Variants in RERE observed in about 807,000 individuals in gnomAD.
RERE encodes arginine-glutamic acid dipeptide repeats.
RERE carries 40 observed loss-of-function variants against 146.1 expected under a neutral mutation model. The observed-to-expected ratio is 0.27, with a 90% CI of 0.21 to 0.36. The LOEUF (loss-of-function observed/expected upper bound fraction) is 0.36, where lower values mean the gene tolerates loss of function less well. RERE is among the 10% of genes least tolerant of loss of function. The pLI, the probability that RERE is intolerant of heterozygous loss-of-function variation, is 1.00. For synonymous variants in RERE, 1,003 were observed against 866.0 expected (o/e 1.16, Z -2.78); for missense variants, 1,933 against 2,138.7 (o/e 0.90, Z 1.90).
intron 1 of RERE, among the ~76,000 whole-genome samples, chr1:8,720,061 C>A (rs927859717): frequency 6.6e-6 from 1 of 151,424 alleles, no homozygotes; most frequent in Non-Finnish European, 1.5e-5. Flanking sequence ...TTCAAGAGAT[C>A]GAGACCATCC....
chr1:8,360,108 G>A lies in RERE; in HGVS notation c.3395+4C>T, dbSNP rs747941358. On this transcript the variant is annotated splice_donor_region_variant and intron_variant, in intron 18 of 22. Transcript: ENST00000400908. ...GACCCGTCCTGGAGCCCTAGGAAGC[G>A]TACCTAGCTGACTGGCTGGCGTGAC... is the stretch of plus-strand genomic sequence containing the variant. 1.3e-5 allele frequency: 21 copies of A among 1,576,796 alleles called. No individual in the cohort carries two copies. The highest frequency in any genetic ancestry group is 1.7e-4 in the Middle Eastern group (1 of 5,926).
chr1:8,575,566 T>A (rs1299747480), intron 4 of RERE, among the ~76,000 whole-genome samples: 16 of 141,362 alleles, frequency 1.1e-4, no homozygotes, highest in Admixed American at 5.6e-4. Context: ...TATATATTTT[T>A]TTTTTTTTTG....
chr1:8,507,798 G>A (rs541691657), intron 8 of RERE, among the ~76,000 whole-genome samples: 1 of 124,984 alleles, frequency 8.0e-6, no homozygotes, highest in East Asian at 2.4e-4. Context: ...GAGTCCAGTG[G>A]CCACAGTCTT....
At chr1:8,579,495 T>A (rs538555305) in intron 4 of RERE, among the ~76,000 whole-genome samples, 1 of 152,310 alleles carries the variant, frequency 6.6e-6, no homozygotes, top group African/African-American at 2.4e-5. Flanking sequence ...AGTAAATAAT[T>A]ATTGGAACAT....
intron 10 of RERE, among the ~76,000 whole-genome samples, chr1:8,481,484 T>G (rs374883005): frequency 2.0e-5 from 3 of 152,226 alleles, no homozygotes; most frequent in African/African-American, 4.8e-5. Flanking sequence ...TAAATAGTTA[T>G]GTATATAAAT....
intron 6 of RERE, among the ~76,000 whole-genome samples, chr1:8,552,091 A>G (rs1056525564): frequency 1.3e-5 from 2 of 152,258 alleles, no homozygotes. Flanking sequence ...TTCAACACAC[A>G]TTTCTACAAC....
rs149634880 is a variant in RERE, at chr1:8,359,794, T to G, written c.3588A>C (p.Arg1196=). The part of the protein sequence containing the change: ...KEKEKERERE[R]EREREAERAA... ...CCCGCTCTGCCTCGCGCTCCCGCTC[T>G]CGCTCCCGCTCCCGCTCCTTCTCCT... The change falls in exon 19 of 23, where the codon CGA becomes CGC. Residue 1196 remains arginine, a synonymous_variant. Transcript: ENST00000400908. The G allele has an allele frequency of 1.9e-6, 3 of 1,601,614 alleles. No individual in the cohort carries two copies. Among genetic ancestry groups the G allele is most frequent in the Non-Finnish European group, 1.7e-6 (2 of 1,178,768 alleles).
chr1:8,815,859 G>C (rs1217871647), intron 1 of RERE, among the ~76,000 whole-genome samples: 1 of 151,990 alleles, frequency 6.6e-6, no homozygotes, highest in Non-Finnish European at 1.5e-5. Flanking sequence ...GTGTGTGTGT[G>C]TGTATATGTG....
chr1:8,359,490 A>T (rs981800405), intron 19 of RERE, among the ~76,000 whole-genome samples: 4 of 152,196 alleles, frequency 2.6e-5, no homozygotes, highest in African/African-American at 7.2e-5. Context: ...AGGCTGCAGG[A>T]GAAGGACAGG....
At chr1:8,597,112 G>A (rs1467462126) in intron 4 of RERE, among the ~76,000 whole-genome samples, 1 of 146,190 alleles carries the variant, frequency 6.8e-6, no homozygotes, top group Non-Finnish European at 1.5e-5. Context: ...TTTTGAGACA[G>A]GGACTTCCTT....
At chr1:8,525,938 C>A in intron 7 of RERE, 1 of 1,354,202 alleles carries the variant, frequency 7.4e-7, no homozygotes. Context: ...ATGACCTAAG[C>A]CTTCACGCAG....
chr1:8,451,700 G>T (rs1168429323), intron 11 of RERE, among the ~76,000 whole-genome samples: 1 of 152,168 alleles, frequency 6.6e-6, no homozygotes, highest in Non-Finnish European at 1.5e-5. Flanking sequence ...TCCTGATCCA[G>T]TCCAGTAGTT....
At chr1:8,541,769 C>T (rs1275699494) in intron 6 of RERE, among the ~76,000 whole-genome samples, 2 of 152,126 alleles carry the variant, frequency 1.3e-5, no homozygotes, top group Non-Finnish European at 2.9e-5. Flanking sequence ...CTTTGGAATA[C>T]AGCTTCTGGC....
At chr1:8,450,682 AG>A (rs1421709864) in intron 11 of RERE, among the ~76,000 whole-genome samples, 1 of 152,132 alleles carries the variant, frequency 6.6e-6, no homozygotes, top group Non-Finnish European at 1.5e-5. Flanking sequence ...TTATAGGGCC[AG>A]AAGTTGTTTT....
intron 1 of RERE, among the ~76,000 whole-genome samples, 172 bp from the exon 2 acceptor site, chr1:8,656,613 A>T (rs1262297068): frequency 6.6e-6 from 1 of 152,178 alleles, no homozygotes; most frequent in Non-Finnish European, 1.5e-5. Context: ...GGTCTCAGCA[A>T]ATGGTTTGGG....
At chr1:8,449,598 C>T (rs145359759) in intron 11 of RERE, among the ~76,000 whole-genome samples, 6 of 152,186 alleles carry the variant, frequency 3.9e-5, no homozygotes, top group South Asian at 2.1e-4. Context: ...GTATGAAAAA[C>T]GCACAGATTG....
chr1:8,407,979 G>A (rs1333595923), intron 12 of RERE, among the ~76,000 whole-genome samples: 1 of 152,180 alleles, frequency 6.6e-6, no homozygotes, highest in African/African-American at 2.4e-5. Flanking sequence ...AACATTCTGA[G>A]TAAAGAAATG....
At chr1:8,655,272 T>C (rs1029407362) in intron 2 of RERE, among the ~76,000 whole-genome samples, 18 of 151,508 alleles carry the variant, frequency 1.2e-4, no homozygotes, top group Non-Finnish European at 2.4e-4. Flanking sequence ...AGTGGTGTGA[T>C]CTCGGCTGAC....
intron 1 of RERE, among the ~76,000 whole-genome samples, chr1:8,711,826 A>G (rs993131450): frequency 2.0e-5 from 3 of 152,228 alleles, no homozygotes; most frequent in Non-Finnish European, 4.4e-5. Context: ...AGATAATTGT[A>G]TGACTTATTA....
Sources: allele counts gnomAD v4.1 joint callset (sites outside exome capture counted in the v4.1 genomes callset), GRCh38; gene constraint gnomAD v4.1.1; transcripts MANE v1.5; gene names NCBI Gene and HGNC (gene_info 2026-07-23, HGNC 2026-07-21).